Variants in KCTD8 observed in about 807,000 individuals in gnomAD.
KCTD8 encodes the protein potassium channel tetramerization domain containing 8.
A neutral mutation model predicts 31.5 loss-of-function variants in KCTD8; 27 were observed. That is an observed-to-expected ratio of 0.86 (90% CI 0.63 to 1.18). The LOEUF is 1.18. Among genes scored for constraint, KCTD8 ranks in the 50% most tolerant of loss-of-function variants. The pLI is 0.00. For synonymous variants in KCTD8, 290 were observed against 280.0 expected, an observed-to-expected ratio of 1.04 and a Z score of -0.36; for missense variants, 658 against 647.7, an observed-to-expected ratio of 1.02 and a Z score of -0.17.
intron 1 of KCTD8, among the ~76,000 whole-genome samples, chr4:44,419,706 T>TG (rs1013663115): frequency 1.3e-5 from 2 of 149,600 alleles, no homozygotes; most frequent in African/African-American, 4.9e-5. Context: ...TGTCGGGGGA[T>TG]GGGGGGCTGG....
intron 1 of KCTD8, among the ~76,000 whole-genome samples, chr4:44,444,970 G>C (rs990408701): frequency 6.6e-6 from 1 of 152,046 alleles, no homozygotes; most frequent in Non-Finnish European, 1.5e-5. Context: ...GTCAAAGGGG[G>C]AAATAAAAGC....
intron 1 of KCTD8, among the ~76,000 whole-genome samples, chr4:44,260,002 C>T (rs1716113888): frequency 6.6e-6 from 1 of 151,744 alleles, no homozygotes; most frequent in Admixed American, 6.6e-5. Flanking sequence ...TATAATTCTG[C>T]TTTCCACAAG....
chr4:44,313,061 A>C (rs1481961765), intron 1 of KCTD8, among the ~76,000 whole-genome samples: 1 of 152,212 alleles, frequency 6.6e-6, no homozygotes, highest in African/African-American at 2.4e-5. Flanking sequence ...ACACCAAAGC[A>C]GTAGGTAACT....
At chr4:44,234,059 A>G (rs2109353695) in intron 1 of KCTD8, among the ~76,000 whole-genome samples, 1 of 152,206 alleles carries the variant, frequency 6.6e-6, no homozygotes, top group East Asian at 1.9e-4. Flanking sequence ...CACAGCCCTT[A>G]TCATGTGTCA....
chr4:44,290,278 T>C (rs542452057), intron 1 of KCTD8, among the ~76,000 whole-genome samples: 2 of 152,310 alleles, frequency 1.3e-5, no homozygotes, highest in East Asian at 1.9e-4. Flanking sequence ...ATCCTGATTA[T>C]GTATGCACCC....
chr4:44,176,351 G>T (rs1184345506), intron 1 of KCTD8, among the ~76,000 whole-genome samples: 1 of 152,168 alleles, frequency 6.6e-6, no homozygotes, highest in Admixed American at 6.6e-5. Flanking sequence ...CAAAGCTTCA[G>T]ATTATTGATA....
intron 1 of KCTD8, among the ~76,000 whole-genome samples, chr4:44,274,708 A>G (rs1716703140): frequency 6.6e-6 from 1 of 151,920 alleles, no homozygotes; most frequent in Non-Finnish European, 1.5e-5. Context: ...TAAAGTCTAG[A>G]CTGGAAAGTA....
chr4:44,308,977 G>T (rs1368185942), intron 1 of KCTD8, among the ~76,000 whole-genome samples: 1 of 151,994 alleles, frequency 6.6e-6, no homozygotes, highest in Non-Finnish European at 1.5e-5. Flanking sequence ...TATAATAATA[G>T]AATATAGATT....
chr4:44,382,882 A>G (rs796416257), intron 1 of KCTD8, among the ~76,000 whole-genome samples: 21 of 152,178 alleles, frequency 1.4e-4, no homozygotes, highest in African/African-American at 4.8e-4. Context: ...TCCTGTTTGC[A>G]GATGACATGA....
intron 1 of KCTD8, among the ~76,000 whole-genome samples, chr4:44,405,875 T>G (rs1482839868): frequency 7.0e-6 from 1 of 143,764 alleles, no homozygotes; most frequent in East Asian, 2.0e-4. Context: ...TCCTGAAGCA[T>G]GTCCATGAGC....
intron 1 of KCTD8, among the ~76,000 whole-genome samples, chr4:44,414,004 C>T (rs1471755334): frequency 1.3e-5 from 2 of 152,038 alleles, no homozygotes; most frequent in Admixed American, 1.3e-4. Context: ...GACTAGAAAA[C>T]AGATTGTCCC....
intron 1 of KCTD8, among the ~76,000 whole-genome samples, chr4:44,331,771 A>G (rs1718596036): frequency 6.7e-6 from 1 of 149,190 alleles, no homozygotes; most frequent in African/African-American, 2.4e-5. Flanking sequence ...AGAGAGTGAA[A>G]CCCTACAATA....
intron 1 of KCTD8, among the ~76,000 whole-genome samples, chr4:44,208,794 A>C (rs1714393817): frequency 6.6e-6 from 1 of 152,146 alleles, no homozygotes; most frequent in South Asian, 2.1e-4. Context: ...GCATCATTAC[A>C]TTAGTAGTTA....
At chr4:44,343,213 C>T (rs1244225938) in intron 1 of KCTD8, among the ~76,000 whole-genome samples, 1 of 152,144 alleles carries the variant, frequency 6.6e-6, no homozygotes, top group African/African-American at 2.4e-5. Context: ...TGAGACTATT[C>T]ACTTGAACAC....
At chr4:44,318,743 T>G (rs1334786385) in intron 1 of KCTD8, among the ~76,000 whole-genome samples, 1 of 152,208 alleles carries the variant, frequency 6.6e-6, no homozygotes, top group African/African-American at 2.4e-5. Flanking sequence ...GTAATAGGCC[T>G]ACATGTGGGC....
At chr4:44,190,272 A>G (rs986073171) in intron 1 of KCTD8, among the ~76,000 whole-genome samples, 3 of 152,206 alleles carry the variant, frequency 2.0e-5, no homozygotes, top group African/African-American at 7.2e-5. Context: ...CTTAAAGTCC[A>G]CACTTCATTT....
intron 1 of KCTD8, among the ~76,000 whole-genome samples, chr4:44,269,714 T>C (rs1441735595): frequency 2.0e-5 from 3 of 151,896 alleles, no homozygotes; most frequent in African/African-American, 7.3e-5. Flanking sequence ...AACAACCCCA[T>C]CAAAAAGTGG....
chr4:44,262,419 CAT>C (rs1326102807), intron 1 of KCTD8, among the ~76,000 whole-genome samples: 1 of 151,874 alleles, frequency 6.6e-6, no homozygotes, highest in Admixed American at 6.6e-5. Flanking sequence ...AAAATAACGA[CAT>C]GAGCAAAATC....
chr4:44,367,355 T>C (rs1172173072), intron 1 of KCTD8, among the ~76,000 whole-genome samples: 7 of 152,204 alleles, frequency 4.6e-5, no homozygotes, highest in African/African-American at 1.7e-4. Context: ...ATTCATTTAA[T>C]GAATACATGA....
Sources: allele counts gnomAD v4.1 joint callset (sites outside exome capture counted in the v4.1 genomes callset), GRCh38; gene constraint gnomAD v4.1.1; transcripts MANE v1.5; gene names NCBI Gene and HGNC (gene_info 2026-07-23, HGNC 2026-07-21).